Variants in ADAMTS6 observed in about 807,000 individuals in gnomAD.
The protein encoded by ADAMTS6 is ADAM metallopeptidase with thrombospondin type 1 motif 6, also known as A disintegrin and metalloproteinase with thrombospondin motifs 6.
A neutral mutation model predicts 144.3 loss-of-function variants in ADAMTS6; 23 were observed. That is an observed-to-expected ratio of 0.16 (90% CI 0.11 to 0.23). The LOEUF (loss-of-function observed/expected upper bound fraction) is 0.23, where lower values mean the gene tolerates loss of function less well. Ranked by LOEUF, ADAMTS6 falls within the 10% of genes least tolerant of loss-of-function variation. ADAMTS6 has a pLI of 1.00. For missense variants in ADAMTS6, 999 were observed against 1,379.6 expected (o/e 0.72, Z 4.37); for synonymous variants, 444 against 457.5 (o/e 0.97, Z 0.38).
At chr5:65,337,491 G>C (rs1387706514) in intron 7 of ADAMTS6, among the ~76,000 whole-genome samples, 5 of 151,480 alleles carry the variant, frequency 3.3e-5, no homozygotes, top group Non-Finnish European at 5.9e-5. Context: ...TCTCTGTGCT[G>C]TCAGCCCCAT....
chr5:65,213,190 T>C (rs2112321464), intron 20 of ADAMTS6, among the ~76,000 whole-genome samples: 1 of 152,352 alleles, frequency 6.6e-6, no homozygotes, highest in Non-Finnish European at 1.5e-5. Context: ...TTTTAAAATA[T>C]GTCACGAATT....
chr5:65,188,330 G>T, intron 21 of ADAMTS6, 110 bp from the exon 22 acceptor site: 1 of 1,022,672 alleles, frequency 9.8e-7, no homozygotes, highest in Non-Finnish European at 1.5e-6. Flanking sequence ...ACATTTCAAT[G>T]TTGGTTAATA....
chr5:65,270,569 C>A (rs1414764948), intron 12 of ADAMTS6, among the ~76,000 whole-genome samples: 2 of 152,148 alleles, frequency 1.3e-5, no homozygotes, highest in East Asian at 1.9e-4. Flanking sequence ...CTGCTCTATC[C>A]TTTTCCTTTC....
intron 12 of ADAMTS6, among the ~76,000 whole-genome samples, chr5:65,267,410 T>C (rs10071190): frequency 0.29 from 44,403 of 151,918 alleles, 6,723 homozygotes; most frequent in Admixed American, 0.37. Flanking sequence ...GAAGCCATCA[T>C]ATTTTTTTCC....
At chr5:65,424,566 T>G (rs2150204911) in intron 7 of ADAMTS6, among the ~76,000 whole-genome samples, 1 of 152,314 alleles carries the variant, frequency 6.6e-6, no homozygotes, top group African/African-American at 2.4e-5. Flanking sequence ...TGGCGTCATT[T>G]CCATTACTGC....
chr5:65,402,395 G>C (rs1310077246), intron 7 of ADAMTS6, among the ~76,000 whole-genome samples: 2 of 152,064 alleles, frequency 1.3e-5, no homozygotes, highest in African/African-American at 4.8e-5. Context: ...ATCAACAAGT[G>C]ACCTCAAGTA....
intron 4 of ADAMTS6, among the ~76,000 whole-genome samples, chr5:65,457,746 T>C (rs1039019321): frequency 8.0e-6 from 1 of 124,970 alleles, no homozygotes; most frequent in Non-Finnish European, 1.7e-5. Flanking sequence ...TCTTTCTTTC[T>C]TTTTTTTTTT....
At chr5:65,197,485 T>C (rs1755462356) in intron 20 of ADAMTS6, among the ~76,000 whole-genome samples, 1 of 152,208 alleles carries the variant, frequency 6.6e-6, no homozygotes, top group Admixed American at 6.5e-5. Context: ...CCCAAAATAA[T>C]ATTATCAAAT....
chr5:65,420,930 C>A (rs895203716), intron 7 of ADAMTS6, among the ~76,000 whole-genome samples: 1 of 152,080 alleles, frequency 6.6e-6, no homozygotes, highest in East Asian at 1.9e-4. Context: ...ACATGTTCTA[C>A]TCCTTTACCT....
At chr5:65,169,884 G>A (rs1266544773) in intron 24 of ADAMTS6, among the ~76,000 whole-genome samples, 1 of 128,830 alleles carries the variant, frequency 7.8e-6, no homozygotes, top group African/African-American at 3.3e-5. Context: ...TGGGGACTGT[G>A]GTGGGGAGGG....
chr5:65,198,005 T>G (rs16893486), intron 20 of ADAMTS6, among the ~76,000 whole-genome samples: 3 of 152,170 alleles, frequency 2.0e-5, no homozygotes, highest in Admixed American at 1.3e-4. Context: ...TAAATGTTCC[T>G]GATGAACAGA....
At chr5:65,396,871 A>T (rs1463675704) in intron 7 of ADAMTS6, among the ~76,000 whole-genome samples, 3 of 152,218 alleles carry the variant, frequency 2.0e-5, no homozygotes, top group African/African-American at 4.8e-5. Flanking sequence ...GTTCAAAAGC[A>T]TTCTGTCTGC....
intron 7 of ADAMTS6, among the ~76,000 whole-genome samples, chr5:65,418,240 G>A (rs1357934964): frequency 6.6e-6 from 1 of 152,132 alleles, no homozygotes; most frequent in Non-Finnish European, 1.5e-5. Flanking sequence ...AATTTTAAAT[G>A]TAAGACCTCA....
chr5:65,371,064 C>T (rs1263023203), intron 7 of ADAMTS6, among the ~76,000 whole-genome samples: 1 of 152,134 alleles, frequency 6.6e-6, no homozygotes, highest in Admixed American at 6.5e-5. Flanking sequence ...GCTGAGTGTC[C>T]TGTCTGTTAG....
At chr5:65,425,207 A>G (rs1285325212) in intron 7 of ADAMTS6, among the ~76,000 whole-genome samples, 1 of 152,112 alleles carries the variant, frequency 6.6e-6, no homozygotes, top group African/African-American at 2.4e-5. Context: ...ATTTTCGTGT[A>G]TTTAGAGACG....
At chr5:65,295,182 G>A (rs1317524827) in intron 10 of ADAMTS6, among the ~76,000 whole-genome samples, 1 of 151,900 alleles carries the variant, frequency 6.6e-6, no homozygotes, top group Non-Finnish European at 1.5e-5. Flanking sequence ...AACACTTTTT[G>A]TATGTCTCCT....
chr5:65,242,995 A>G (rs1385116912), intron 14 of ADAMTS6, among the ~76,000 whole-genome samples: 1 of 152,118 alleles, frequency 6.6e-6, no homozygotes, highest in African/African-American at 2.4e-5. Flanking sequence ...TCTAGATTCT[A>G]TATACCACAG....
intron 12 of ADAMTS6, among the ~76,000 whole-genome samples, chr5:65,271,900 G>A (rs1561358622): frequency 6.6e-6 from 1 of 151,864 alleles, no homozygotes; most frequent in Non-Finnish European, 1.5e-5. Flanking sequence ...GGAATTTTTG[G>A]TAGTGCATGA....
chr5:65,411,677 A>G (rs1755065662), intron 7 of ADAMTS6, among the ~76,000 whole-genome samples: 1 of 152,184 alleles, frequency 6.6e-6, no homozygotes, highest in South Asian at 2.1e-4. Context: ...TGCTGATTCA[A>G]CTTTATTCAA....
Sources: allele counts gnomAD v4.1 joint callset (sites outside exome capture counted in the v4.1 genomes callset), GRCh38; gene constraint gnomAD v4.1.1; transcripts MANE v1.5; gene names NCBI Gene and HGNC (gene_info 2026-07-23, HGNC 2026-07-21).